FGF13: variants seen among roughly 807,000 people sequenced by gnomAD.
The protein encoded by FGF13 is fibroblast growth factor homologous factor 2.
A neutral mutation model predicts 19.5 loss-of-function variants in FGF13; 2 were observed. The observed-to-expected ratio is 0.10, with a 90% CI of 0.04 to 0.32. The LOEUF (loss-of-function observed/expected upper bound fraction) is 0.32, where lower values mean the gene tolerates loss of function less well. FGF13 is among the 10% of genes least tolerant of loss of function. The pLI, the probability that FGF13 is intolerant of heterozygous loss-of-function variation, is 1.00. For missense variants in FGF13, 113 were observed against 192.7 expected (o/e 0.59, Z 2.45); for synonymous variants, 72 against 76.9 (o/e 0.94, Z 0.33).
intron 1 of FGF13, among the ~76,000 whole-genome samples, chrX:139,013,479 TTATATATATATATATATATATA>T (rs202184653): frequency 0.16 from 11,013 of 70,969 alleles, 973 homozygotes; most frequent in East Asian, 0.23. Context: ...AAAGAAAATT[TTATATATATATATATATATATA>T]TATATATATA....
At chrX:138,903,096 TA>T (rs1219307728) in intron 1 of FGF13, among the ~76,000 whole-genome samples, 2 of 111,810 alleles carry the variant, frequency 1.8e-5, no homozygotes, top group Non-Finnish European at 3.8e-5. Flanking sequence ...AGGACATCAA[TA>T]AAAAGTGGAT....
intron 1 of FGF13, among the ~76,000 whole-genome samples, chrX:139,187,393 G>T (rs758899077): frequency 1.8e-5 from 2 of 112,506 alleles, no homozygotes; most frequent in East Asian, 5.6e-4. Flanking sequence ...ATAAAACTAT[G>T]TACTTTCATA....
At chrX:138,808,762 T>TA (rs1231316082) in intron 3 of FGF13, among the ~76,000 whole-genome samples, 1 of 111,343 alleles carries the variant, frequency 9.0e-6, no homozygotes, top group African/African-American at 3.3e-5. Flanking sequence ...ATAAAGGGGA[T>TA]ATCACCACCA....
chrX:139,013,479 T>TTATATATATATATATATATA (rs202184653), intron 1 of FGF13, among the ~76,000 whole-genome samples: 2 of 71,083 alleles, frequency 2.8e-5, no homozygotes, highest in African/African-American at 6.1e-5. Context: ...AAAGAAAATT[T>TTATATATATATATATATATA]TATATATATA....
intron 1 of FGF13, among the ~76,000 whole-genome samples, chrX:139,023,685 C>T (rs781218456): frequency 1.8e-5 from 2 of 110,944 alleles, no homozygotes; most frequent in Admixed American, 9.6e-5. Context: ...TACAGTAAGT[C>T]GATGAAATAC....
chrX:138,654,723 A>T (rs1198335816), intron 3 of FGF13, among the ~76,000 whole-genome samples: 1 of 108,255 alleles, frequency 9.2e-6, no homozygotes, highest in Non-Finnish European at 1.9e-5. Flanking sequence ...CCTGGGTGAC[A>T]GAGTGAAACT....
At chrX:138,784,221 C>T (rs1365515070) in intron 3 of FGF13, among the ~76,000 whole-genome samples, 13 of 97,590 alleles carry the variant, frequency 1.3e-4, no homozygotes, top group Non-Finnish European at 1.8e-4. Flanking sequence ...TGCTAGATGA[C>T]GAGTTAGTGG....
rs758915172 is a variant in FGF13 at position 138,907,461 on chromosome X, G to C, written c.-112-42811C>G. ...TCTAGTAATTCAGCCTTGGGAGAGA[G>C]AACTGAAGCTGAGTCAAAATGCCTA... On this transcript the variant is annotated intron_variant, in intron 1 of 2. Coordinates refer to the FGF13 transcript ENST00000421460. Among the ~76,000 whole-genome samples the C allele has an allele frequency of 1.5e-4, 17 of 111,458 alleles. 1 individual carries two copies. The South Asian group carries it at 6.4e-3, about 42-fold the overall frequency.
intron 1 of FGF13, among the ~76,000 whole-genome samples, chrX:138,903,426 T>C: frequency 8.9e-6 from 1 of 111,768 alleles, no homozygotes; most frequent in South Asian, 3.8e-4. Flanking sequence ...AGCATCTTAT[T>C]TTCACTGGTG....
intron 1 of FGF13, among the ~76,000 whole-genome samples, chrX:139,182,628 C>T (rs901839930): frequency 3.6e-5 from 4 of 111,296 alleles, no homozygotes; most frequent in African/African-American, 1.3e-4. Flanking sequence ...CATATTCCCT[C>T]GGGATGGGGT....
chrX:138,638,609 A>G (rs2089209643), intron 3 of FGF13, among the ~76,000 whole-genome samples: 1 of 112,027 alleles, frequency 8.9e-6, no homozygotes, highest in South Asian at 3.7e-4. Context: ...AACAAAAATG[A>G]CACGTTAGCA....
intron 1 of FGF13, among the ~76,000 whole-genome samples, chrX:139,093,880 T>A (rs2083454136): frequency 8.9e-6 from 1 of 112,211 alleles, no homozygotes; most frequent in Admixed American, 9.4e-5. Flanking sequence ...TCCAAGTGCT[T>A]TGGCAGACAT....
At chrX:138,878,685 T>C (rs1262889405) in intron 1 of FGF13, among the ~76,000 whole-genome samples, 1 of 107,184 alleles carries the variant, frequency 9.3e-6, no homozygotes, top group Non-Finnish European at 1.9e-5. Flanking sequence ...GATGGCTGGG[T>C]CAAATGGTAT....
chrX:138,933,503 G>A (rs2091715672), intron 1 of FGF13, among the ~76,000 whole-genome samples: 1 of 111,547 alleles, frequency 9.0e-6, no homozygotes, highest in Non-Finnish European at 1.9e-5. Context: ...GGCTGTCAAA[G>A]TGCCTTGTTG....
intron 2 of FGF13, among the ~76,000 whole-genome samples, chrX:138,706,228 C>A (rs955316854): frequency 8.9e-5 from 10 of 112,532 alleles, no homozygotes; most frequent in Admixed American, 1.9e-4. Context: ...TTTAAAATGT[C>A]CTTCCTTGCA....
intron 3 of FGF13, among the ~76,000 whole-genome samples, chrX:138,688,089 G>T (rs1197840123): frequency 9.2e-6 from 1 of 108,882 alleles, no homozygotes; most frequent in Non-Finnish European, 1.9e-5. Context: ...CCAAGTAGCT[G>T]GGACTACAGG....
chrX:139,169,990 G>A lies in FGF13; in HGVS notation c.-113+33426C>T, dbSNP rs187439937. Among the ~76,000 whole-genome samples the A allele has an allele frequency of 1.1e-4, 12 of 111,426 alleles. No homozygotes were observed. The East Asian group carries it at 1.4e-3, about 13-fold the overall frequency. ...AAAGAGGTACCTCAGGAGCCATCAC[G>A]AAATTGCAGGATTTCAAGGGAACAA... is the stretch of plus-strand genomic sequence containing the variant. On this transcript the variant is annotated intron_variant, in intron 1 of 2. Transcript: ENST00000421460.
At chrX:138,861,348 T>TA (rs939358588) in intron 2 of FGF13, among the ~76,000 whole-genome samples, 1 of 112,452 alleles carries the variant, frequency 8.9e-6, no homozygotes, top group Admixed American at 9.4e-5. Flanking sequence ...TCTGATAGAA[T>TA]AAAAAAATTC....
chrX:139,151,847 A>G (rs1378827872), intron 1 of FGF13, among the ~76,000 whole-genome samples: 1 of 111,903 alleles, frequency 8.9e-6, no homozygotes, highest in East Asian at 2.8e-4. Context: ...TTAATCCTTC[A>G]TGTTATAAAA....
Sources: gnomAD v4.1 joint callset for allele counts (sites outside exome capture counted in the v4.1 genomes callset) on GRCh38, gnomAD v4.1.1 for gene constraint, MANE v1.5 for transcripts, NCBI Gene and HGNC (gene_info 2026-07-23, HGNC 2026-07-21) for gene names.